The following ANKH variants were observed in gnomAD, a reference collection of about 807,000 sequenced individuals.
ANKH encodes ANKH inorganic pyrophosphate transport regulator.
Under a neutral mutation model 49.0 loss-of-function variants are expected in ANKH, and 15 were observed. The observed-to-expected ratio is 0.31, with a 90% CI of 0.20 to 0.47. The LOEUF is 0.47. Ranked by LOEUF, ANKH falls within the 20% of genes least tolerant of loss-of-function variation. The pLI is 1.00. For missense variants in ANKH, 429 were observed against 652.0 expected, an observed-to-expected ratio of 0.66 and a Z score of 3.72; for synonymous variants, 273 against 260.0, an observed-to-expected ratio of 1.05 and a Z score of -0.48.
intron 1 of ANKH, among the ~76,000 whole-genome samples, chr5:14,846,703 C>A (rs1196271171): frequency 1.3e-5 from 2 of 152,002 alleles, no homozygotes; most frequent in Non-Finnish European, 2.9e-5. Flanking sequence ...TAAGAATGAA[C>A]CTCAAGGGCC....
chr5:14,840,218 G>A (rs1475949767), intron 1 of ANKH, among the ~76,000 whole-genome samples: 1 of 152,176 alleles, frequency 6.6e-6, no homozygotes, highest in Non-Finnish European at 1.5e-5. Context: ...CAAGTGAAGT[G>A]TCTGGCCAGG....
chr5:14,851,318 C>T (rs993519084), intron 1 of ANKH, among the ~76,000 whole-genome samples: 2 of 152,296 alleles, frequency 1.3e-5, no homozygotes, highest in East Asian at 3.9e-4. Context: ...CTCTGTGCTC[C>T]AAGAGAAGCT....
chr5:14,844,598 G>A (rs1262304491), intron 1 of ANKH, among the ~76,000 whole-genome samples: 4 of 152,204 alleles, frequency 2.6e-5, no homozygotes, highest in African/African-American at 7.2e-5. Flanking sequence ...AGCGGTCAGG[G>A]AGAACCTTCT....
At chr5:14,746,064 G>A (rs1738526891) in intron 6 of ANKH, 102 bp from the exon 7 acceptor site, 2 of 879,260 alleles carry the variant, frequency 2.3e-6, no homozygotes, top group Non-Finnish European at 1.9e-6. Flanking sequence ...CAGCCACTGA[G>A]GACAGAGCCC....
chr5:14,789,164 G>A (rs1002733636), intron 1 of ANKH, among the ~76,000 whole-genome samples: 1 of 152,054 alleles, frequency 6.6e-6, no homozygotes, highest in African/African-American at 2.4e-5. Flanking sequence ...GGAGGCAGAG[G>A]TTATAATGAG....
chr5:14,806,920 A>T (rs912452918), intron 1 of ANKH, among the ~76,000 whole-genome samples: 1 of 152,196 alleles, frequency 6.6e-6, no homozygotes, highest in Non-Finnish European at 1.5e-5. Flanking sequence ...CCACATTCTG[A>T]ACAATAGTAG....
intron 8 of ANKH, chr5:14,724,576 CAG>C (rs955061641): frequency 1.8e-5 from 18 of 985,304 alleles, no homozygotes; most frequent in East Asian, 1.1e-4. Context: ...CAGTCCGAAA[CAG>C]AGCTTGGTTT....
chr5:14,779,422 CCT>C (rs1327321993), intron 1 of ANKH, among the ~76,000 whole-genome samples: 1 of 152,198 alleles, frequency 6.6e-6, no homozygotes, highest in Admixed American at 6.5e-5. Context: ...TCTGCAGCCC[CCT>C]GTGCAGATCC....
intron 1 of ANKH, among the ~76,000 whole-genome samples, chr5:14,794,983 T>C (rs1307941105): frequency 6.6e-6 from 1 of 152,232 alleles, no homozygotes; most frequent in Non-Finnish European, 1.5e-5. Context: ...GAGGAGGTGG[T>C]ACACAGAAAC....
At chr5:14,760,828 T>C (rs1739050634) in intron 2 of ANKH, among the ~76,000 whole-genome samples, 1 of 152,208 alleles carries the variant, frequency 6.6e-6, no homozygotes, top group African/African-American at 2.4e-5. Flanking sequence ...TGGTTGAAGC[T>C]GGGGACTATG....
At chr5:14,853,652 T>G (rs1360146683) in intron 1 of ANKH, among the ~76,000 whole-genome samples, 1 of 151,404 alleles carries the variant, frequency 6.6e-6, no homozygotes, top group Non-Finnish European at 1.5e-5. Context: ...TAGAAAGATG[T>G]GTGGGTTTTT....
At position 14,871,519 on chromosome 5, in the gene ANKH, CGGGGCGA is replaced by C; in HGVS notation, c.-79_-73del. On this transcript the variant is annotated 5_prime_UTR_variant, in exon 1 of 12. Transcript: ENST00000284268. ...GACTCTGCGGGGAGGCGAGGGGCGA[CGGGGCGA>C]CGGGGCGAGCGGGGCGCGGGCCGAC... The C allele has an allele frequency of 2.9e-6, 1 of 343,250 alleles. No individual in the cohort carries two copies. Among genetic ancestry groups the C allele is most frequent in the Non-Finnish European group, 4.1e-6 (1 of 241,502 alleles). The allele number at this position is 343,250 out of a possible 1,614,324, so 21.3% of individuals were successfully genotyped here. A position where few individuals can be genotyped will look rare whatever the true frequency, so the allele number is the denominator to read the frequency against.
Position 14,706,942 on chromosome 5 carries a change from G to A in ANKH, c.*4255C>T, listed in dbSNP as rs1736964087. 6.6e-6 allele frequency: 1 copy of A among 152,228 alleles called. No individual in the cohort carries two copies. Among genetic ancestry groups the A allele is most frequent in the African/African-American group, 2.4e-5 (1 of 41,452 alleles). The allele number at this position is 152,228 out of a possible 1,614,324, so 9.4% of individuals were successfully genotyped here. On this transcript the variant is annotated 3_prime_UTR_variant, in exon 12 of 12. Transcript: ENST00000284268. ...GCTGCTGGCTTTGAACCGGCTGAAT[G>A]TGCAATGCAGACATCTCAACACTCC...
chr5:14,773,208 G>A lies in ANKH; in HGVS notation c.97-4017C>T, dbSNP rs116017108. Among the ~76,000 whole-genome samples, 1,510 of 152,174 alleles carry A rather than the reference G, an allele frequency of 9.9e-3. 17 individuals carry two copies. Among genetic ancestry groups the A allele is most frequent in the Middle Eastern group, 0.034 (10 of 294 alleles). The stretch of plus-strand genomic sequence containing the variant: ...CTTTCCCATCCTTCCCAAAATCTAG[G>A]ATTGTCAATTGTTTACTTGTGCTTA... On this transcript the variant is annotated intron_variant, in intron 1 of 11. Coordinates refer to ENST00000284268, the MANE Select transcript of ANKH (RefSeq NM_054027.6).
intron 8 of ANKH, among the ~76,000 whole-genome samples, chr5:14,731,267 A>G (rs1737992537): frequency 6.6e-6 from 1 of 152,176 alleles, no homozygotes; most frequent in Admixed American, 6.5e-5. Context: ...CCTGGTGCAC[A>G]CAAGTGTCAT....
At chr5:14,790,901 T>G (rs1335794124) in intron 1 of ANKH, among the ~76,000 whole-genome samples, 1 of 152,216 alleles carries the variant, frequency 6.6e-6, no homozygotes, top group African/African-American at 2.4e-5. Context: ...TAAGCCACTA[T>G]GCCCAGCCAA....
intron 1 of ANKH, among the ~76,000 whole-genome samples, chr5:14,856,990 T>C (rs1024332953): frequency 6.6e-6 from 1 of 152,156 alleles, no homozygotes; most frequent in Non-Finnish European, 1.5e-5. Context: ...TGAGCACCAG[T>C]GAACTCATTG....
intron 5 of ANKH, 89 bp downstream of exon 5, chr5:14,750,980 T>C: frequency 6.5e-7 from 1 of 1,527,132 alleles, no homozygotes. Context: ...TGTTTTGATG[T>C]CACTGATTTC....
intron 1 of ANKH, among the ~76,000 whole-genome samples, chr5:14,784,012 C>A (rs1040437232): frequency 6.6e-6 from 1 of 152,256 alleles, no homozygotes; most frequent in Non-Finnish European, 1.5e-5. Context: ...CTTTGTCCTC[C>A]ACCTTGCCCT....
Sources: gnomAD v4.1 joint callset for allele counts (sites outside exome capture counted in the v4.1 genomes callset) on GRCh38, gnomAD v4.1.1 for gene constraint, MANE v1.5 for transcripts, NCBI Gene and HGNC (gene_info 2026-07-23, HGNC 2026-07-21) for gene names.